Variants in RNPEP observed in about 807,000 individuals in gnomAD.
RNPEP encodes the protein aminopeptidase B.
Under a neutral mutation model 70.1 loss-of-function variants are expected in RNPEP, and 57 were observed. The observed-to-expected ratio is 0.81, with a 90% confidence interval of 0.66 to 1.01. The LOEUF is 1.01. Among genes scored for constraint, RNPEP ranks in the 50% least tolerant of loss-of-function variants. The pLI, the probability that RNPEP is intolerant of heterozygous loss-of-function variation, is 0.00. For synonymous variants in RNPEP, 335 were observed against 357.4 expected (o/e 0.94, Z 0.71); for missense variants, 787 against 852.4 (o/e 0.92, Z 0.96).
intron 3 of RNPEP, among the ~76,000 whole-genome samples, chr1:201,990,052 C>G (rs1389625396): frequency 6.6e-6 from 1 of 152,168 alleles, no homozygotes; most frequent in East Asian, 1.9e-4. Flanking sequence ...ACCATGTTGG[C>G]CAGGCTGCTC....
At chr1:201,990,034 G>A (rs757288015) in intron 3 of RNPEP, among the ~76,000 whole-genome samples, 9 of 152,052 alleles carry the variant, frequency 5.9e-5, no homozygotes, top group Non-Finnish European at 1.0e-4. Context: ...TCGTAGAGAC[G>A]GGGTTTCACC....
chr1:201,987,801 T>G (rs1683185640), intron 1 of RNPEP, among the ~76,000 whole-genome samples: 1 of 151,548 alleles, frequency 6.6e-6, no homozygotes, highest in Admixed American at 6.6e-5. Context: ...CCAGTGCCTA[T>G]TATATAAAAT....
At position 202,003,273 on chromosome 1, in the gene RNPEP, G is replaced by A. The variant is rs139856334; in HGVS notation, c.1463G>A (p.Trp488Ter). Residue 488 changes from tryptophan (W) to a stop codon, truncating the protein, a stop_gained, in exon 9 of 11, where the codon TGG becomes TAG. Transcript: ENST00000295640. LOFTEE classifies it high-confidence loss of function. ...GATCGATGGCTGAATACCCCCGGCT[G>A]GCCCCCGTACCTCCCTGATCTCTCC... ...EFDRWLNTPG[W>*]PPYLPDLSPG... The A allele has an allele frequency of 1.2e-6, 2 of 1,613,680 alleles. No homozygotes were observed. Among genetic ancestry groups the A allele is most frequent in the Non-Finnish European group, 1.7e-6 (2 of 1,179,796 alleles).
intron 9 of RNPEP, among the ~76,000 whole-genome samples, chr1:202,003,889 C>T (rs1363279541): frequency 1.3e-5 from 2 of 152,126 alleles, no homozygotes; most frequent in African/African-American, 4.8e-5. Flanking sequence ...GCACAGAACC[C>T]AGTCATCCAG....
chr1:202,001,405 A>G lies in RNPEP; in HGVS notation c.1234A>G (p.Thr412Ala). 1.9e-6 allele frequency: 3 copies of G among 1,613,564 alleles called. No individual in the cohort carries two copies. Among genetic ancestry groups the G allele is most frequent in the Non-Finnish European group, 2.5e-6 (3 of 1,179,738 alleles). Residue 412 changes from threonine (T) to alanine (A), a missense_variant, in exon 7 of 11, where the codon ACC becomes GCC. Coordinates refer to ENST00000295640, the MANE Select transcript of RNPEP (RefSeq NM_020216.4). ...GVDPDDTYNETPYEKGFCFVS... is the reference protein window; with the variant it reads ...GVDPDDTYNEAPYEKGFCFVS... ...TGACCCGGACGACACCTATAATGAG[A>G]CCCCCTACGAGAAAGGTTTCTGCTT...
intron 1 of RNPEP, chr1:201,983,423 T>G: frequency 6.8e-7 from 1 of 1,470,156 alleles, no homozygotes; most frequent in Non-Finnish European, 9.1e-7. Flanking sequence ...TTCCCGCTCA[T>G]CGCACACTGC....
chr1:202,005,525 C>G, intron 10 of RNPEP, 33 bp from the exon 11 acceptor site: 1 of 1,609,200 alleles, frequency 6.2e-7, no homozygotes, highest in Non-Finnish European at 8.5e-7. Flanking sequence ...ACCAGGCAAG[C>G]TTCTTAGGCA....
Position 201,989,528 on chromosome 1 carries a change from C to T in RNPEP, c.734C>T (p.Pro245Leu). The T allele has an allele frequency of 1.2e-6, 2 of 1,614,074 alleles. No homozygotes were observed. The highest frequency in any genetic ancestry group is 1.7e-6 in the Non-Finnish European group (2 of 1,180,006). Residue 245 changes from proline to leucine, a missense_variant, in exon 3 of 11, where the codon CCC (proline) becomes CTC (leucine). Physicochemically the swap from Pro to Leu is moderately conservative, Grantham distance 98. Coordinates refer to ENST00000295640, the MANE Select transcript of RNPEP (RefSeq NM_020216.4). ...IGDLVSAEVG[P>L]RSRVWAEPCL... is the part of the protein sequence containing the mutation. ...GATCTGGTTTCGGCTGAAGTTGGAC[C>T]CAGGTAGGAGACAAAGACCCCACAG...
Position 201,997,660 on chromosome 1 carries a change from C to T in RNPEP, c.1090+106C>T, listed in dbSNP as rs772945601. ...CAGAATACAAGTGGGTGTGAAGAGA[C>T]GAGGCAGTAGTGTGTATCCAACATT... is the stretch of plus-strand genomic sequence containing the variant. On this transcript the variant is annotated intron_variant, in intron 5 of 10. Coordinates refer to ENST00000295640, the MANE Select transcript of RNPEP (RefSeq NM_020216.4). 5.0e-4 allele frequency: 401 copies of T among 796,014 alleles called. 2 individuals are homozygous for T. Among genetic ancestry groups the T allele is most frequent in the Middle Eastern group, 2.0e-3 (8 of 4,044 alleles). 49.3% of individuals were successfully genotyped at this position (796,014 alleles called of 1,614,324 possible).
chr1:202,000,186 A>G, intron 6 of RNPEP, 171 bp downstream of exon 6: 2 of 550,584 alleles, frequency 3.6e-6, no homozygotes. Context: ...ACTGAACCCA[A>G]GCCATTGCAG....
chr1:202,003,329 G>C lies in RNPEP; in HGVS notation c.1519G>C (p.Glu507Gln). The change falls in exon 9 of 11, where the codon GAG becomes CAG. Residue 507 changes from glutamate (E) to glutamine (Q), a missense_variant. Physicochemically the swap from Glu to Gln is conservative, Grantham distance 29 (BLOSUM62 2). Transcript: ENST00000295640. ...PGDSLMKPAE[E>Q]LAQLWAAEEL... ...GGACTCACTCATGAAGCCTGCTGAA[G>C]AGCTAGCCCAACTGTGGGCAGCCGA... 1 of 1,614,172 alleles carries C rather than the reference G, an allele frequency of 6.2e-7. No homozygotes were observed. The highest frequency in any genetic ancestry group is 8.5e-7 in the Non-Finnish European group (1 of 1,180,046).
Position 202,001,756 on chromosome 1 carries a change from A to C in RNPEP, c.1415A>C (p.Asp472Ala), listed in dbSNP as rs1228033969. Residue 472 changes from aspartate to alanine, a missense_variant, in exon 8 of 11, where the codon GAT (aspartate) becomes GCT (alanine). Asp to Ala is a moderately radical substitution (Grantham distance 126). Coordinates refer to ENST00000295640, the MANE Select transcript of RNPEP (RefSeq NM_020216.4). ...YFPELKKKRV[D>A]IIPGFEFDRW... ...CCTGAGCTTAAGAAAAAGAGAGTGG[A>C]TATCATTCCAGGTAAGCAGAGGAAC... is the stretch of plus-strand genomic sequence containing the variant. 1.3e-6 allele frequency: 2 copies of C among 1,589,182 alleles called. No individual in the cohort carries two copies. The highest frequency in any genetic ancestry group is 2.2e-5 in the East Asian group (1 of 44,774).
intron 1 of RNPEP, among the ~76,000 whole-genome samples, chr1:201,987,059 C>T (rs1298447289): frequency 6.6e-6 from 1 of 152,124 alleles, no homozygotes; most frequent in Non-Finnish European, 1.5e-5. Context: ...ACGTAGCTTC[C>T]TTATGCCTCT....
Position 201,982,793 on chromosome 1 carries a change from C to T in RNPEP, c.127C>T (p.Leu43=). The change falls in exon 1 of 11, where the codon CTG becomes TTG. Residue 43 remains leucine, a synonymous_variant. Coordinates refer to ENST00000295640, the MANE Select transcript of RNPEP (RefSeq NM_020216.4). The stretch of plus-strand genomic sequence containing the variant: ...TGAGCTGCTGCACTTGCACCTGGAC[C>T]TGCGGGCTGAGTTCGGGCCTCCAGG... ...AFELLHLHLD[L]RAEFGPPGPG... is the part of the protein sequence containing the mutation. The T allele has an allele frequency of 7.4e-7, 1 of 1,350,428 alleles. No individual in the cohort carries two copies. Among genetic ancestry groups the T allele is most frequent in the African/African-American group, 1.5e-5 (1 of 64,964 alleles). 83.7% of individuals were successfully genotyped at this position (1,350,428 alleles called of 1,614,324 possible).
At chr1:201,998,170 A>G (rs1469857914) in intron 5 of RNPEP, among the ~76,000 whole-genome samples, 1 of 150,248 alleles carries the variant, frequency 6.7e-6, no homozygotes, top group Non-Finnish European at 1.5e-5. Context: ...ATAAATGTCT[A>G]TTCATATCAG....
At chr1:201,986,440 G>T (rs1380272484) in intron 1 of RNPEP, among the ~76,000 whole-genome samples, 1 of 151,802 alleles carries the variant, frequency 6.6e-6, no homozygotes, top group Non-Finnish European at 1.5e-5. Context: ...AGCGTAGGAT[G>T]ACCCTGTATT....
intron 6 of RNPEP, 133 bp downstream of exon 6, chr1:202,000,148 T>C (rs1219302062): frequency 1.5e-6 from 1 of 657,234 alleles, no homozygotes; most frequent in East Asian, 2.9e-5. Context: ...CAGAGCTCTT[T>C]GTAGCCAATT....
In RNPEP at chr1:201,996,708, G is replaced by A. The variant is rs78055366; in HGVS notation, c.854+445G>A. Reference sequence around the variant, plus strand: ...AGGGTTTCACCATGTTGGCCAGGCTGGTCTCGAACTCCTGACCTCAGGTGA... The same window carrying A: ...AGGGTTTCACCATGTTGGCCAGGCTAGTCTCGAACTCCTGACCTCAGGTGA... On this transcript the variant is annotated intron_variant, in intron 4 of 10. Transcript: ENST00000295640. 2.0e-5 allele frequency among the ~76,000 whole-genome samples: 3 copies of A among 152,190 alleles called. No homozygotes were observed. The East Asian group carries it at 5.8e-4, about 29-fold the overall frequency.
intron 3 of RNPEP, among the ~76,000 whole-genome samples, chr1:201,990,057 C>A (rs143976107): frequency 0.022 from 3,323 of 152,274 alleles, 56 homozygotes; most frequent in Middle Eastern, 0.068. Flanking sequence ...GTTGGCCAGG[C>A]TGCTCTTGAA....
Sources: gnomAD v4.1 joint callset for allele counts (sites outside exome capture counted in the v4.1 genomes callset) on GRCh38, gnomAD v4.1.1 for gene constraint, MANE v1.5 for transcripts, NCBI Gene and HGNC (gene_info 2026-07-23, HGNC 2026-07-21) for gene names.